Variants in AMH observed in about 807,000 individuals in gnomAD.
The protein encoded by AMH is anti-Muellerian hormone.
In AMH, 39 loss-of-function variants were observed where a neutral mutation model predicts 33.3. The observed-to-expected ratio is 1.17, with a 90% CI of 0.91 to 1.53. The LOEUF (loss-of-function observed/expected upper bound fraction) is 1.53. Among genes scored for constraint, AMH ranks in the 40% most tolerant of loss-of-function variants. The probability of loss-of-function intolerance (pLI) is 0.00; values close to 1 mark genes in which losing one functional copy is unlikely to be tolerated. For synonymous variants in AMH, 536 were observed against 403.0 expected, an observed-to-expected ratio of 1.33 and a Z score of -3.95; for missense variants, 1,019 against 799.8, an observed-to-expected ratio of 1.27 and a Z score of -3.30.
In AMH at chr19:2,250,338, G is replaced by A. The variant is rs752991250; in HGVS notation, c.414G>A (p.Val138=). 27 of 1,596,576 alleles carry A rather than the reference G, an allele frequency of 1.7e-5. No individual in the cohort carries two copies. The highest frequency in any genetic ancestry group is 3.4e-5 in the Admixed American group (2 of 58,568). Residue 138 remains valine, a splice_region_variant and synonymous_variant, in exon 2 of 5, where the codon GTG becomes GTA. Transcript: ENST00000221496. ...CGTCCCCTGCTGTCCCGGCTGCAGTGACCTGGGAGCCAACACCCTCGCTGA... is the reference window on the plus strand; with the variant it reads ...CGTCCCCTGCTGTCCCGGCTGCAGTAACCTGGGAGCCAACACCCTCGCTGA... ...QRLVVLHLEE[V]TWEPTPSLRF...
intron 2 of AMH, 53 bp from the exon 3 acceptor site, chr19:2,250,599 G>A (rs2025016614): frequency 1.3e-6 from 2 of 1,536,816 alleles, no homozygotes; most frequent in Non-Finnish European, 1.7e-6. Context: ...GGGACCGGTA[G>A]AGCGGGGCTG....
intron 4 of AMH, 43 bp downstream of exon 4, chr19:2,251,051 C>A (rs1599138338): frequency 6.5e-7 from 1 of 1,527,702 alleles, no homozygotes. Context: ...CGGGCGGGGG[C>A]GGCGTGGCCT....
rs773110484 is a variant in AMH at position 2,251,778 on chromosome 19, C to T, written c.1504C>T (p.Arg502Cys). The change falls in exon 5 of 5, where the codon CGC becomes TGC. Residue 502 changes from arginine to cysteine, a missense_variant. Arg to Cys is a radical substitution (Grantham distance 180, BLOSUM62 -3). Transcript: ENST00000221496. ...CTGGCCTCAGTCCGACCGCAACCCG[C>T]GCTACGGCAACCACGTGGTGCTGCT... ...CGWPQSDRNP[R>C]YGNHVVLLLK... 1 of 1,610,642 alleles carries T rather than the reference C, an allele frequency of 6.2e-7. No homozygotes were observed. The highest frequency in any genetic ancestry group is 2.2e-5 in the East Asian group (1 of 44,840).
rs915766045 is a variant in AMH at position 2,250,902 on chromosome 19, C to T, written c.718C>T (p.Arg240Cys). ...LQALLFGDDH[R>C]CFTRMTPALL... ...GGCACTGCTGTTCGGCGACGACCAC[C>T]GCTGCTTCACACGGATGACCCCGGC... Residue 240 changes from arginine (R) to cysteine (C), a missense_variant, in exon 4 of 5, where the codon CGC (arginine) becomes TGC (cysteine). Transcript: ENST00000221496. The T allele has an allele frequency of 5.7e-6, 9 of 1,572,030 alleles. No individual in the cohort carries two copies. The highest frequency in any genetic ancestry group is 1.3e-5 in the African/African-American group (1 of 74,414).
rs2054495677 is a variant in AMH, at chr19:2,249,916, G to C, written c.412+172G>C. Reference sequence around the variant, plus strand: ...GCCTGGAAGGTGGGCACCACACTCTGTCCTGTCCCCGAAGCCCAGCTCTTA... The same window carrying C: ...GCCTGGAAGGTGGGCACCACACTCTCTCCTGTCCCCGAAGCCCAGCTCTTA... On this transcript the variant is annotated intron_variant, in intron 1 of 4. Coordinates refer to ENST00000221496, the MANE Select transcript of AMH (RefSeq NM_000479.5). 23 of 781,234 alleles carry C rather than the reference G, an allele frequency of 2.9e-5. No individual in the cohort carries two copies. In the South Asian group the frequency reaches 4.4e-4, roughly 15 times the overall value. 48.4% of individuals were successfully genotyped at this position (781,234 alleles called of 1,614,324 possible). A position where few individuals can be genotyped will look rare whatever the true frequency, so the allele number is the denominator to read the frequency against.
Position 2,249,362 on chromosome 19 carries a change from C to T in AMH, c.30C>T (p.Ala10=). Residue 10 remains alanine, a synonymous_variant, in exon 1 of 5, where the codon GCC becomes GCT. Transcript: ENST00000221496. ...GGGACCTGCCTCTCACCAGCCTGGC[C>T]CTAGTGCTGTCTGCCCTGGGGGCTC... MRDLPLTSL[A]LVLSALGALL... is the part of the protein sequence containing the mutation. 1 of 1,581,484 alleles carries T rather than the reference C, an allele frequency of 6.3e-7. No individual in the cohort carries two copies. Among genetic ancestry groups the T allele is most frequent in the Non-Finnish European group, 8.6e-7 (1 of 1,165,050 alleles).
In AMH at chr19:2,252,030, C is replaced by G; in HGVS notation, c.*73C>G. ...GCTCGCGCCCCTTCCCATATTTATT[C>G]GGACCCCAAGCATCGCCCCAATAAA... On this transcript the variant is annotated 3_prime_UTR_variant, in exon 5 of 5. Transcript: ENST00000221496. The G allele has an allele frequency of 6.6e-7, 1 of 1,518,584 alleles. No homozygotes were observed. The highest frequency in any genetic ancestry group is 2.5e-5 in the East Asian group (1 of 40,506). The allele number at this position is 1,518,584 out of a possible 1,614,324, so 94.1% of individuals were successfully genotyped here.
In AMH at chr19:2,251,961, C is replaced by A. The variant is rs2145033661; in HGVS notation, c.*4C>A. On this transcript the variant is annotated 3_prime_UTR_variant, in exon 5 of 5. Coordinates refer to ENST00000221496, the MANE Select transcript of AMH (RefSeq NM_000479.5). ...CACCGAGTGTGGCTGCCGGTGACCCCTGCGCCGCGCGGACTCCTGCCCCGA... is the reference window on the plus strand; with the variant it reads ...CACCGAGTGTGGCTGCCGGTGACCCATGCGCCGCGCGGACTCCTGCCCCGA... 2 of 1,540,808 alleles carry A rather than the reference C, an allele frequency of 1.3e-6. No homozygotes were observed. The highest frequency in any genetic ancestry group is 2.4e-5 in the East Asian group (1 of 41,268).
intron 2 of AMH, 24 bp from the exon 3 acceptor site, chr19:2,250,628 C>G (rs777855940): frequency 6.5e-7 from 1 of 1,537,696 alleles, no homozygotes. Flanking sequence ...TCCATCCAGC[C>G]GGGCTGAGCC....
In AMH at chr19:2,251,413, C is replaced by A; in HGVS notation, c.1139C>A (p.Ala380Asp). Residue 380 changes from alanine (A) to aspartate (D), a missense_variant, in exon 5 of 5, where the codon GCT becomes GAT. By Grantham distance (126) the Ala-to-Asp change is moderately radical. Transcript: ENST00000221496. ...PWATALARRV[A>D]AELQAAAAEL... Reference sequence around the variant, plus strand: ...GCCACGGCCCTGGCGCGCCGCGTGGCTGCTGAACTGCAAGCGGCGGCTGCC... The same window carrying A: ...GCCACGGCCCTGGCGCGCCGCGTGGATGCTGAACTGCAAGCGGCGGCTGCC... The A allele has an allele frequency of 6.9e-7, 1 of 1,445,892 alleles. No individual in the cohort carries two copies. 89.6% of individuals were successfully genotyped at this position (1,445,892 alleles called of 1,614,324 possible).
chr19:2,249,605 CT>C lies in AMH; in HGVS notation c.274del (p.Trp92GlyfsTer47). ...AFLGAVQRAR[W>X]GPRDLATFGV... ...TCCTGGGGGCCGTGCAGAGGGCCCG[CT>C]GGGGCCCCCGAGACCTGGCCACCTT... On this transcript the variant is annotated frameshift_variant, in exon 1 of 5. Transcript: ENST00000221496. LOFTEE classifies it high-confidence loss of function. 1 of 1,548,068 alleles carries C rather than the reference CT, an allele frequency of 6.5e-7. No homozygotes were observed. The highest frequency in any genetic ancestry group is 1.2e-5 in the South Asian group (1 of 85,398).
intron 1 of AMH, chr19:2,250,083 G>A (rs958659982): frequency 1.7e-5 from 11 of 645,820 alleles, no homozygotes; most frequent in African/African-American, 1.5e-4. Flanking sequence ...GATACTCCCT[G>A]CGGGGAAGGG....
chr19:2,251,047 G>A, intron 4 of AMH, 39 bp downstream of exon 4: 2 of 1,527,284 alleles, frequency 1.3e-6, no homozygotes, highest in South Asian at 1.2e-5. Context: ...GGAGCGGGCG[G>A]GGGCGGCGTG....
chr19:2,250,225 C>T (rs1347216882), intron 1 of AMH, 112 bp from the exon 2 acceptor site: 17 of 1,493,854 alleles, frequency 1.1e-5, no homozygotes, highest in Non-Finnish European at 1.4e-5. Context: ...GCACCCTTGT[C>T]CCCCGCTTGA....
Position 2,251,618 on chromosome 19 carries a change from G to A in AMH, c.1344G>A (p.Arg448=), listed in dbSNP as rs776611193. 116 of 1,462,714 alleles carry A rather than the reference G, an allele frequency of 7.9e-5. No homozygotes were observed. The highest frequency in any genetic ancestry group is 1.0e-4 in the Non-Finnish European group (111 of 1,110,124). The allele number at this position is 1,462,714 out of a possible 1,614,324, so 90.6% of individuals were successfully genotyped here. A position where few individuals can be genotyped will look rare whatever the true frequency, so the allele number is the denominator to read the frequency against. Reference sequence around the variant, plus strand: ...GGCGGGATCCGCGCGGGCCGGGTCGGGCACAGCGCAGCGCGGGGGCCACCG... The same window carrying A: ...GGCGGGATCCGCGCGGGCCGGGTCGAGCACAGCGCAGCGCGGGGGCCACCG... ...WRGRDPRGPG[R]AQRSAGATAA... The change falls in exon 5 of 5, where the codon CGG becomes CGA. Residue 448 remains arginine (R), a synonymous_variant. Coordinates refer to ENST00000221496, the MANE Select transcript of AMH (RefSeq NM_000479.5).
intron 1 of AMH, 166 bp downstream of exon 1, chr19:2,249,910 C>T: frequency 2.5e-6 from 2 of 800,280 alleles, no homozygotes; most frequent in Non-Finnish European, 3.8e-6. Flanking sequence ...GTGGGCACCA[C>T]ACTCTGTCCT....
chr19:2,249,737 G>C lies in AMH; in HGVS notation c.405G>C (p.Leu135=), dbSNP rs753620128. The change falls in exon 1 of 5, where the codon CTG becomes CTC. Residue 135 remains leucine, a synonymous_variant. Coordinates refer to ENST00000221496, the MANE Select transcript of AMH (RefSeq NM_000479.5). The part of the protein sequence containing the change: ...PGGQRLVVLH[L]EEVTWEPTPS... The stretch of plus-strand genomic sequence containing the variant: ...GGCAGCGCCTGGTGGTCCTACACCT[G>C]GAGGAAGGTATGTGGGGCCCAGCCC... 70 of 1,503,664 alleles carry C rather than the reference G, an allele frequency of 4.7e-5. No homozygotes were observed. The highest frequency in any genetic ancestry group is 6.0e-5 in the Non-Finnish European group (68 of 1,131,422). 93.1% of individuals were successfully genotyped at this position (1,503,664 alleles called of 1,614,324 possible).
chr19:2,250,494 CATGG>C lies in AMH; in HGVS notation c.555+16_555+19del. The C allele has an allele frequency of 1.9e-6, 3 of 1,546,816 alleles. No homozygotes were observed. The highest frequency in any genetic ancestry group is 2.6e-6 in the Non-Finnish European group (3 of 1,146,720). On this transcript the variant is annotated intron_variant, in intron 2 of 4. Transcript: ENST00000221496. ...CGGGTGCCCAGGTACCAGGGAGTTG[CATGG>C]GGCAGTGCCCGGGCCGTGGCGGGGG...
At position 2,250,443 on chromosome 19, in the gene AMH, G is replaced by A; in HGVS notation, c.519G>A (p.Glu173=). 6.4e-7 allele frequency: 1 copy of A among 1,554,368 alleles called. No individual in the cohort carries two copies. The highest frequency in any genetic ancestry group is 8.7e-7 in the Non-Finnish European group (1 of 1,150,150). Residue 173 remains glutamate, a synonymous_variant, in exon 2 of 5, where the codon GAG becomes GAA. Transcript: ENST00000221496. ...LLVLYPGPGP[E]VTVTRAGLPG... ...TGCTGTACCCTGGGCCTGGCCCTGAGGTCACTGTGACGAGGGCTGGGCTGC... is the reference window on the plus strand; with the variant it reads ...TGCTGTACCCTGGGCCTGGCCCTGAAGTCACTGTGACGAGGGCTGGGCTGC...
Sources: allele counts gnomAD v4.1 joint callset, GRCh38; gene constraint gnomAD v4.1.1; transcripts MANE v1.5; gene names NCBI Gene and HGNC (gene_info 2026-07-23, HGNC 2026-07-21).